The following KCNH7 variants were observed in gnomAD, a reference collection of about 807,000 sequenced individuals.
The protein encoded by KCNH7 is voltage-gated inwardly rectifying potassium channel KCNH7.
A neutral mutation model predicts 120.8 loss-of-function variants in KCNH7; 49 were observed. The ratio of observed to expected loss-of-function variants is 0.41; its 90% CI spans 0.32 to 0.51. The LOEUF is 0.51. KCNH7 is among the 20% of genes least tolerant of loss of function. The pLI, the probability that KCNH7 is intolerant of heterozygous loss-of-function variation, is 0.38. For missense variants in KCNH7, 1,097 were observed against 1,446.6 expected (o/e 0.76, Z 3.92); for synonymous variants, 547 against 516.1 (o/e 1.06, Z -0.81).
chr2:162,801,682 T>A (rs191271955), intron 2 of KCNH7, among the ~76,000 whole-genome samples: 16 of 151,960 alleles, frequency 1.1e-4, no homozygotes, highest in African/African-American at 3.9e-4. Flanking sequence ...GGATTAGACT[T>A]TCTTGTATCA....
chr2:162,650,098 A>C (rs947083549), intron 2 of KCNH7, among the ~76,000 whole-genome samples: 1 of 152,230 alleles, frequency 6.6e-6, no homozygotes, highest in African/African-American at 2.4e-5. Context: ...CTTTAGTTTG[A>C]TTGTGGGCTG....
At chr2:162,402,111 T>C (rs969185715) in intron 9 of KCNH7, among the ~76,000 whole-genome samples, 2 of 151,448 alleles carry the variant, frequency 1.3e-5, no homozygotes, top group Non-Finnish European at 3.0e-5. Context: ...TTGGGCTTGG[T>C]CTACATGACT....
intron 6 of KCNH7, among the ~76,000 whole-genome samples, chr2:162,499,958 A>G (rs1019242965): frequency 2.6e-5 from 4 of 151,966 alleles, no homozygotes; most frequent in African/African-American, 7.2e-5. Context: ...TCTCAGCACC[A>G]TCTGCACACA....
chr2:162,641,553 T>TA (rs35157175), intron 2 of KCNH7, among the ~76,000 whole-genome samples: 3,393 of 144,490 alleles, frequency 0.023, 78 homozygotes, highest in African/African-American at 0.058. Context: ...TCTCTGTATT[T>TA]AAAAAAAAAA....
chr2:162,419,559 C>T (rs1475428017), intron 9 of KCNH7, among the ~76,000 whole-genome samples: 1 of 152,006 alleles, frequency 6.6e-6, no homozygotes, highest in African/African-American at 2.4e-5. Context: ...TCTTCTGAAT[C>T]CCTATTCTGC....
At position 162,667,307 on chromosome 2, in the gene KCNH7, C is replaced by A. The variant is rs150234892; in HGVS notation, c.308-130227G>T. ...AAGTGATAGAATTACAGGCGTGAGC[C>A]ACCATGCCCGGACTCCATCCATTCT... On this transcript the variant is annotated intron_variant, in intron 2 of 15. Coordinates refer to ENST00000332142, the MANE Select transcript of KCNH7 (RefSeq NM_033272.4). Among the ~76,000 whole-genome samples the A allele has an allele frequency of 9.9e-5, 15 of 152,200 alleles. No individual in the cohort carries two copies. The East Asian group carries it at 2.9e-3, about 29-fold the overall frequency.
chr2:162,580,754 A>T (rs1693838949), intron 2 of KCNH7, among the ~76,000 whole-genome samples: 1 of 152,000 alleles, frequency 6.6e-6, no homozygotes, highest in Admixed American at 6.6e-5. Context: ...CTTTTAGCAG[A>T]GCAGAGTCAG....
At chr2:162,761,748 G>T (rs940507475) in intron 2 of KCNH7, among the ~76,000 whole-genome samples, 4 of 152,054 alleles carry the variant, frequency 2.6e-5, no homozygotes, top group African/African-American at 9.7e-5. Context: ...AAAGAAATCT[G>T]CCTGAGTGTG....
At chr2:162,649,334 T>C (rs1684488121) in intron 2 of KCNH7, among the ~76,000 whole-genome samples, 1 of 152,222 alleles carries the variant, frequency 6.6e-6, no homozygotes, top group Non-Finnish European at 1.5e-5. Context: ...AGCTTAACTC[T>C]ACACAAATGG....
At chr2:162,655,131 T>C (rs886875503) in intron 2 of KCNH7, among the ~76,000 whole-genome samples, 2 of 152,124 alleles carry the variant, frequency 1.3e-5, no homozygotes, top group African/African-American at 4.8e-5. Flanking sequence ...AGATTTTGTG[T>C]TCTCACAAGA....
intron 2 of KCNH7, among the ~76,000 whole-genome samples, chr2:162,577,291 GTCTATCTATCTATCTA>G (rs201620270): frequency 3.9e-5 from 5 of 127,340 alleles, no homozygotes; most frequent in Non-Finnish European, 8.6e-5. Flanking sequence ...AGATCTATCT[GTCTATCTATCTATCTA>G]TCTATCTATC....
At chr2:162,704,704 G>A (rs1199451528) in intron 2 of KCNH7, among the ~76,000 whole-genome samples, 1 of 152,182 alleles carries the variant, frequency 6.6e-6, no homozygotes, top group Non-Finnish European at 1.5e-5. Flanking sequence ...GTTCCCTGCT[G>A]CTTTGAGCCT....
chr2:162,449,594 G>C (rs1306239327), intron 6 of KCNH7, among the ~76,000 whole-genome samples: 1 of 152,034 alleles, frequency 6.6e-6, no homozygotes, highest in East Asian at 1.9e-4. Flanking sequence ...TACAGAGACA[G>C]AAAGACACAC....
intron 12 of KCNH7, among the ~76,000 whole-genome samples, chr2:162,390,096 G>T (rs1221398102): frequency 6.6e-6 from 1 of 151,828 alleles, no homozygotes; most frequent in African/African-American, 2.4e-5. Flanking sequence ...TCTGCCAAAA[G>T]GTCATCCCCT....
chr2:162,820,013 G>T (rs1487806972), intron 2 of KCNH7, among the ~76,000 whole-genome samples: 1 of 142,740 alleles, frequency 7.0e-6, no homozygotes, highest in African/African-American at 2.6e-5. Context: ...GTTTGTTCGG[G>T]TATTTCTTTA....
At chr2:162,569,104 G>T (rs1233384451) in intron 2 of KCNH7, among the ~76,000 whole-genome samples, 1 of 152,020 alleles carries the variant, frequency 6.6e-6, no homozygotes, top group Non-Finnish European at 1.5e-5. Flanking sequence ...AGAAGGAATG[G>T]TACCAGTTCC....
chr2:162,739,165 G>A (rs575132938), intron 2 of KCNH7, among the ~76,000 whole-genome samples: 1 of 152,096 alleles, frequency 6.6e-6, no homozygotes, highest in East Asian at 1.9e-4. Context: ...TTCTGCCTTG[G>A]TGCCCATTTT....
intron 12 of KCNH7, among the ~76,000 whole-genome samples, chr2:162,387,178 A>G (rs1384429439): frequency 6.7e-6 from 1 of 150,018 alleles, no homozygotes; most frequent in Non-Finnish European, 1.5e-5. Context: ...CACCCAAGCC[A>G]TATGAACAAT....
chr2:162,410,794 G>T (rs1245608883), intron 9 of KCNH7, among the ~76,000 whole-genome samples: 1 of 151,978 alleles, frequency 6.6e-6, no homozygotes, highest in Non-Finnish European at 1.5e-5. Flanking sequence ...CAAAGGACAT[G>T]AACAGATACT....
Sources: allele counts gnomAD v4.1 joint callset (sites outside exome capture counted in the v4.1 genomes callset), GRCh38; gene constraint gnomAD v4.1.1; transcripts MANE v1.5; gene names NCBI Gene and HGNC (gene_info 2026-07-23, HGNC 2026-07-21).